The following GLYATL1 variants were observed in gnomAD, a reference collection of about 807,000 sequenced individuals.
The protein encoded by GLYATL1 is glycine-N-acyltransferase like 1, also known as glycine N-acyltransferase-like protein 1.
Under a neutral mutation model 20.0 loss-of-function variants are expected in GLYATL1, and 15 were observed. That is an observed-to-expected ratio of 0.75 (90% confidence interval 0.50 to 1.15). The LOEUF (loss-of-function observed/expected upper bound fraction) is 1.15. Among genes scored for constraint, GLYATL1 ranks in the 50% most tolerant of loss-of-function variants. GLYATL1 has a pLI of 0.00. For synonymous variants in GLYATL1, 151 were observed against 131.5 expected (o/e 1.15, Z -1.01); for missense variants, 380 against 368.5 (o/e 1.03, Z -0.26).
chr11:58,918,444 C>T (rs1855230497), intron 1 of GLYATL1, among the ~76,000 whole-genome samples: 1 of 152,190 alleles, frequency 6.6e-6, no homozygotes, highest in South Asian at 2.1e-4. Context: ...TGGGTTCCTG[C>T]ACTCATAGTA....
intron 1 of GLYATL1, chr11:58,942,446 C>T (rs953247534): frequency 3.3e-5 from 5 of 152,158 alleles, no homozygotes; most frequent in Admixed American, 6.5e-5. Context: ...AATTTTCTCC[C>T]AGCCAGAATT....
intron 4 of GLYATL1, among the ~76,000 whole-genome samples, chr11:58,949,299 C>T (rs1032089145): frequency 6.6e-6 from 1 of 152,104 alleles, no homozygotes; most frequent in Non-Finnish European, 1.5e-5. Flanking sequence ...GGTCAGGATT[C>T]GGATGCAGAA....
chr11:58,908,539 G>A (rs896695914), exon 2 of GLYATL1: 7 of 210,176 alleles, frequency 3.3e-5, no homozygotes, highest in Admixed American at 3.0e-4. Context: ...TAGACCTGAA[G>A]TTTCAAAGGC....
At chr11:58,918,438 T>C (rs1855230357) in intron 1 of GLYATL1, among the ~76,000 whole-genome samples, 1 of 152,214 alleles carries the variant, frequency 6.6e-6, no homozygotes, top group Admixed American at 6.5e-5. Flanking sequence ...CCTAGGTGGG[T>C]TCCTGCACTC....
chr11:58,953,977 A>G (rs1857195266), intron 4 of GLYATL1, among the ~76,000 whole-genome samples: 1 of 152,180 alleles, frequency 6.6e-6, no homozygotes, highest in Non-Finnish European at 1.5e-5. Context: ...GTCTAACACC[A>G]CATAAATTAC....
At chr11:58,937,826 AAAG>A (rs1855902736), upstream of GLYATL1, among the ~76,000 whole-genome samples, 5 of 152,160 alleles carry the variant, frequency 3.3e-5, no homozygotes, top group South Asian at 1.0e-3. Flanking sequence ...GCTAAGGGTT[AAAG>A]AAGGACATTG....
At chr11:58,922,467 G>C (rs1009383538) in intron 1 of GLYATL1, among the ~76,000 whole-genome samples, 23 of 152,158 alleles carry the variant, frequency 1.5e-4, no homozygotes, top group African/African-American at 5.3e-4. Flanking sequence ...AGAGGCATTT[G>C]CATAACTCAG....
intron 1 of GLYATL1, among the ~76,000 whole-genome samples, chr11:58,915,635 C>A (rs1433986890): frequency 6.6e-6 from 1 of 152,218 alleles, no homozygotes; most frequent in Non-Finnish European, 1.5e-5. Flanking sequence ...TAGGGCTCAG[C>A]AATCTGTGTT....
intron 1 of GLYATL1, among the ~76,000 whole-genome samples, chr11:58,921,260 C>T (rs549341033): frequency 6.6e-6 from 1 of 152,312 alleles, no homozygotes; most frequent in South Asian, 2.1e-4. Context: ...ACTCCAGTGG[C>T]ACCTACAATA....
chr11:58,924,276 C>G (rs992117548), upstream of GLYATL1, among the ~76,000 whole-genome samples: 3 of 152,126 alleles, frequency 2.0e-5, no homozygotes, highest in Non-Finnish European at 2.9e-5. Context: ...AAGTAAATTC[C>G]ATTAGGGGGC....
intron 2 of GLYATL1, 138 bp from the exon 3 acceptor site, chr11:58,946,908 C>A: frequency 1.4e-6 from 1 of 710,982 alleles, no homozygotes; most frequent in East Asian, 2.7e-5. Context: ...CTTAGTCCCT[C>A]TGAGATTTGG....
At position 58,956,259 on chromosome 11, in the gene GLYATL1, A is replaced by G. The variant is rs952208570; in HGVS notation, c.*232A>G. 4.0e-6 allele frequency: 2 copies of G among 498,174 alleles called. No homozygotes were observed. Among genetic ancestry groups the G allele is most frequent in the East Asian group, 3.0e-5 (1 of 32,986 alleles). The allele number at this position is 498,174 out of a possible 1,614,324, so 30.9% of individuals were successfully genotyped here. ...TTAAATATGCTTAAGTGTTATAGGG[A>G]AAGACGGGGTTACCAGTAAACATGT... is the stretch of plus-strand genomic sequence containing the variant. On this transcript the variant is annotated 3_prime_UTR_variant, in exon 7 of 7. Transcript: ENST00000532726.
At chr11:58,911,970 T>C (rs1340612095), downstream of GLYATL1, among the ~76,000 whole-genome samples, 1 of 152,130 alleles carries the variant, frequency 6.6e-6, no homozygotes, top group African/African-American at 2.4e-5. Flanking sequence ...CTGTGATTGA[T>C]TTAAGTTTTT....
At chr11:58,920,402 T>A (rs900429133) in intron 1 of GLYATL1, among the ~76,000 whole-genome samples, 3 of 152,212 alleles carry the variant, frequency 2.0e-5, no homozygotes, top group Admixed American at 6.5e-5. Flanking sequence ...GTCAGAGCTG[T>A]CAGCTCTGCC....
At chr11:58,949,328 G>C (rs967874488) in intron 4 of GLYATL1, among the ~76,000 whole-genome samples, 1 of 152,188 alleles carries the variant, frequency 6.6e-6, no homozygotes, top group Non-Finnish European at 1.5e-5. Context: ...AGTGACCCTA[G>C]CTTGAGGAAC....
At chr11:58,908,469 G>T in exon 2 of GLYATL1, 1 of 198,562 alleles carries the variant, frequency 5.0e-6, no homozygotes, top group South Asian at 1.1e-4. Context: ...AACTCATCAT[G>T]AATTCCATGA....
At chr11:58,909,890 T>C (rs1311488442), downstream of GLYATL1, among the ~76,000 whole-genome samples, 1 of 152,238 alleles carries the variant, frequency 6.6e-6, no homozygotes, top group East Asian at 1.9e-4. Context: ...ATACAATTTC[T>C]TCAACGGCTT....
At chr11:58,919,309 C>A (rs1234005631) in intron 1 of GLYATL1, among the ~76,000 whole-genome samples, 1 of 152,210 alleles carries the variant, frequency 6.6e-6, no homozygotes, top group Non-Finnish European at 1.5e-5. Flanking sequence ...GGCGTGGGCA[C>A]ACCTGACTTG....
At chr11:58,906,841 G>T (rs544542124) in intron 1 of GLYATL1, among the ~76,000 whole-genome samples, 6 of 152,124 alleles carry the variant, frequency 3.9e-5, no homozygotes, top group Non-Finnish European at 7.4e-5. Flanking sequence ...CCACATAGAC[G>T]GTTGTTTAAA....
Sources: gnomAD v4.1 joint callset for allele counts (sites outside exome capture counted in the v4.1 genomes callset) on GRCh38, gnomAD v4.1.1 for gene constraint, MANE v1.5 for transcripts, NCBI Gene and HGNC (gene_info 2026-07-23, HGNC 2026-07-21) for gene names.